TEX9: variants seen among roughly 807,000 people sequenced by gnomAD.
TEX9 encodes testis expressed 9.
Under a neutral mutation model 59.6 loss-of-function variants are expected in TEX9, and 74 were observed. That is an observed-to-expected ratio of 1.24 (90% CI 1.03 to 1.51). TEX9 has a LOEUF of 1.51. Ranked by LOEUF, TEX9 falls within the 40% of genes most tolerant of loss-of-function variation. The pLI is 0.00. For missense variants in TEX9, 522 were observed against 447.8 expected (o/e 1.17, Z -1.49); for synonymous variants, 186 against 152.2 (o/e 1.22, Z -1.64).
At chr15:56,270,439 G>A (rs1344046993) in intron 1 of TEX9, among the ~76,000 whole-genome samples, 3 of 152,120 alleles carry the variant, frequency 2.0e-5, no homozygotes, top group African/African-American at 7.2e-5. Context: ...TTGGTTTAAA[G>A]TCTGTTTTAT....
At chr15:56,407,864 C>A (rs1348473496) in intron 9 of TEX9, among the ~76,000 whole-genome samples, 1 of 152,110 alleles carries the variant, frequency 6.6e-6, no homozygotes, top group African/African-American at 2.4e-5. Context: ...TGCCTCTATA[C>A]CACTCCCCAC....
intron 1 of TEX9, among the ~76,000 whole-genome samples, chr15:56,251,468 A>C (rs576123291): frequency 2.0e-5 from 3 of 152,290 alleles, no homozygotes; most frequent in African/African-American, 7.2e-5. Context: ...AGCTGACTCA[A>C]TAAAACCTTT....
chr15:56,345,455 TG>T (rs1472415488), intron 1 of TEX9, among the ~76,000 whole-genome samples: 1 of 152,172 alleles, frequency 6.6e-6, no homozygotes, highest in East Asian at 1.9e-4. Context: ...AAGTGTTTTC[TG>T]GCCTTTTCCC....
chr15:56,346,612 C>T lies in TEX9; in HGVS notation c.-106-26829C>T, dbSNP rs1479749194. ...AGGTGAATCATCTTGATTGATAACACATTTGGGATATGCTTTATGACTCAA... is the reference window on the plus strand; with the variant it reads ...AGGTGAATCATCTTGATTGATAACATATTTGGGATATGCTTTATGACTCAA... On this transcript the variant is annotated intron_variant, in intron 1 of 5. Transcript: ENST00000560827. Among the ~76,000 whole-genome samples, 8 of 152,296 alleles carry T rather than the reference C, an allele frequency of 5.3e-5. 1 individual carries two copies. In the South Asian group the frequency reaches 8.3e-4, roughly 16 times the overall value.
chr15:56,402,894 T>C (rs1231417156), intron 9 of TEX9, among the ~76,000 whole-genome samples: 3 of 152,178 alleles, frequency 2.0e-5, no homozygotes, highest in African/African-American at 7.2e-5. Context: ...CACATGATTA[T>C]CTCAATAGAT....
At chr15:56,299,607 C>G (rs1453734200) in intron 1 of TEX9, among the ~76,000 whole-genome samples, 1 of 152,042 alleles carries the variant, frequency 6.6e-6, no homozygotes, top group African/African-American at 2.4e-5. Context: ...TAGCTCAGCT[C>G]GAAGCTCCAG....
intron 9 of TEX9, among the ~76,000 whole-genome samples, chr15:56,399,036 G>A (rs991487014): frequency 2.4e-4 from 36 of 152,212 alleles, no homozygotes; most frequent in African/African-American, 8.2e-4. Context: ...AGCTCCCAGT[G>A]TGATCAACGC....
intron 1 of TEX9, among the ~76,000 whole-genome samples, chr15:56,306,636 A>G (rs1352665959): frequency 1.3e-5 from 2 of 152,186 alleles, no homozygotes; most frequent in African/African-American, 4.8e-5. Context: ...GGAAGTGGGA[A>G]TATTTAATGG....
the TEX9 span, chr15:56,456,345 A>C: frequency 8.4e-6 from 13 of 1,540,984 alleles, no homozygotes; most frequent in Admixed American, 1.5e-4. Context: ...ATTACATAAG[A>C]GTTTAAAGAT....
chr15:56,325,791 A>C (rs1451418307), intron 1 of TEX9, among the ~76,000 whole-genome samples: 1 of 152,208 alleles, frequency 6.6e-6, no homozygotes, highest in Non-Finnish European at 1.5e-5. Flanking sequence ...GACTATAGCC[A>C]GTATTAATAA....
intron 10 of TEX9, among the ~76,000 whole-genome samples, chr15:56,413,777 GA>G (rs1336597118): frequency 1.3e-5 from 2 of 151,744 alleles, no homozygotes; most frequent in Non-Finnish European, 2.9e-5. Flanking sequence ...TATATACACA[GA>G]TAATACATTT....
chr15:56,305,616 A>G (rs1332902323), intron 1 of TEX9, among the ~76,000 whole-genome samples: 1 of 152,194 alleles, frequency 6.6e-6, no homozygotes, highest in Non-Finnish European at 1.5e-5. Flanking sequence ...CATACACAAA[A>G]ATCAAATCAA....
intron 1 of TEX9, among the ~76,000 whole-genome samples, chr15:56,275,226 T>A (rs548614391): frequency 6.6e-6 from 1 of 152,310 alleles, no homozygotes; most frequent in South Asian, 2.1e-4. Context: ...TCCAGCTCAC[T>A]TGTGGCCTAG....
chr15:56,332,581 C>G (rs566857531), intron 1 of TEX9, among the ~76,000 whole-genome samples: 100 of 149,806 alleles, frequency 6.7e-4, no homozygotes, highest in African/African-American at 2.0e-3. Context: ...TAACTAACCT[C>G]CACAATGTGC....
intron 1 of TEX9, among the ~76,000 whole-genome samples, chr15:56,308,143 C>G (rs1275490093): frequency 6.6e-6 from 1 of 152,164 alleles, no homozygotes; most frequent in Non-Finnish European, 1.5e-5. Flanking sequence ...TTTTGAGGAA[C>G]TGCCAAACTG....
chr15:56,245,035 A>C (rs1235171117), intron 1 of TEX9, among the ~76,000 whole-genome samples: 1 of 152,042 alleles, frequency 6.6e-6, no homozygotes, highest in Non-Finnish European at 1.5e-5. Context: ...CTTCAGCTTT[A>C]ACTTTTCTGA....
chr15:56,437,427 A>G (rs1157007687), intron 12 of TEX9, among the ~76,000 whole-genome samples: 2 of 152,206 alleles, frequency 1.3e-5, no homozygotes, highest in Non-Finnish European at 2.9e-5. Flanking sequence ...CCTTCTTGCT[A>G]AAAACTCTCA....
intron 1 of TEX9, among the ~76,000 whole-genome samples, chr15:56,339,383 CAA>C (rs71456382): frequency 1.3e-4 from 4 of 30,768 alleles, no homozygotes; most frequent in African/African-American, 4.8e-4. Flanking sequence ...ACTCCTTCTC[CAA>C]AAAAAAAAAA....
At chr15:56,406,064 T>G (rs1481296467) in intron 9 of TEX9, among the ~76,000 whole-genome samples, 2 of 152,158 alleles carry the variant, frequency 1.3e-5, no homozygotes, top group Non-Finnish European at 2.9e-5. Context: ...AATGAAAATT[T>G]ATATTACCCT....
Sources: gnomAD v4.1 joint callset for allele counts (sites outside exome capture counted in the v4.1 genomes callset) on GRCh38, gnomAD v4.1.1 for gene constraint, MANE v1.5 for transcripts, NCBI Gene and HGNC (gene_info 2026-07-23, HGNC 2026-07-21) for gene names.